The following HMGCLL1 variants were observed in gnomAD, a reference collection of about 807,000 sequenced individuals.
HMGCLL1 encodes the protein 3-hydroxy-3-methylglutaryl-CoA lyase like 1.
HMGCLL1 carries 36 observed loss-of-function variants against 39.1 expected under a neutral mutation model. The ratio of observed to expected loss-of-function variants is 0.92; its 90% CI spans 0.71 to 1.22. HMGCLL1 has a LOEUF of 1.22. HMGCLL1 is among the 50% of genes most tolerant of loss of function. The pLI, the probability that HMGCLL1 is intolerant of heterozygous loss-of-function variation, is 0.00. For synonymous variants in HMGCLL1, 149 were observed against 144.0 expected, an observed-to-expected ratio of 1.03 and a Z score of -0.25; for missense variants, 451 against 416.5, an observed-to-expected ratio of 1.08 and a Z score of -0.72.
At chr6:55,548,652 A>C (rs1561955076) in intron 1 of HMGCLL1, among the ~76,000 whole-genome samples, 1 of 151,994 alleles carries the variant, frequency 6.6e-6, no homozygotes, top group South Asian at 2.1e-4. Context: ...TCAGCAATAA[A>C]TGCAGCCAGG....
At chr6:55,616,054 T>C in the HMGCLL1 span, among the ~76,000 whole-genome samples, 2 of 152,098 alleles carry the variant, frequency 1.3e-5, no homozygotes, top group Non-Finnish European at 2.9e-5. Flanking sequence ...AAATACCCAG[T>C]AAAGCAACAG....
the HMGCLL1 span, among the ~76,000 whole-genome samples, chr6:55,584,363 A>G: frequency 9.3e-4 from 141 of 152,126 alleles, no homozygotes; most frequent in Non-Finnish European, 9.1e-4. Flanking sequence ...GGATCTCATG[A>G]TATGGTTCTG....
chr6:55,593,188 T>C, the HMGCLL1 span, among the ~76,000 whole-genome samples: 142 of 152,266 alleles, frequency 9.3e-4, no homozygotes, highest in African/African-American at 2.3e-3. Flanking sequence ...GTCAGATTCC[T>C]GGGATCACAT....
intron 5 of HMGCLL1, among the ~76,000 whole-genome samples, chr6:55,508,429 A>C (rs1292322542): frequency 6.6e-6 from 1 of 151,844 alleles, no homozygotes; most frequent in Non-Finnish European, 1.5e-5. Context: ...AAGTTAAATA[A>C]GATTAGAAAT....
intron 6 of HMGCLL1, among the ~76,000 whole-genome samples, chr6:55,497,836 T>C (rs1156918095): frequency 6.6e-6 from 1 of 151,920 alleles, no homozygotes; most frequent in Non-Finnish European, 1.5e-5. Context: ...ACATACAAAA[T>C]GCAAAGAACA....
intron 7 of HMGCLL1, among the ~76,000 whole-genome samples, chr6:55,475,404 A>T (rs1208312462): frequency 2.0e-5 from 3 of 151,586 alleles, no homozygotes; most frequent in African/African-American, 7.3e-5. Flanking sequence ...CTCAGACTCC[A>T]GCAATTTGTC....
chr6:55,630,172 G>C, the HMGCLL1 span, among the ~76,000 whole-genome samples: 319 of 152,286 alleles, frequency 2.1e-3, 1 homozygote, highest in African/African-American at 7.2e-3. Context: ...CACAGGGGTG[G>C]AGCTGCCTAA....
the HMGCLL1 span, among the ~76,000 whole-genome samples, chr6:55,630,415 T>C: frequency 6.6e-6 from 1 of 152,052 alleles, no homozygotes; most frequent in Non-Finnish European, 1.5e-5. Context: ...CTTTACAGGC[T>C]CATAGGCAGA....
At chr6:55,601,658 A>C in the HMGCLL1 span, among the ~76,000 whole-genome samples, 2 of 151,998 alleles carry the variant, frequency 1.3e-5, no homozygotes, top group Non-Finnish European at 2.9e-5. Context: ...AGCCCTAAAA[A>C]CTTTTTTTTC....
At chr6:55,628,728 G>C in the HMGCLL1 span, among the ~76,000 whole-genome samples, 31 of 152,184 alleles carry the variant, frequency 2.0e-4, no homozygotes, top group Admixed American at 9.2e-4. Flanking sequence ...GGAGGTAATT[G>C]AATCACAGGG....
At chr6:55,650,102 T>TAC in the HMGCLL1 span, among the ~76,000 whole-genome samples, 3 of 43,138 alleles carry the variant, frequency 7.0e-5, no homozygotes, top group African/African-American at 4.7e-4. Flanking sequence ...TATATATATA[T>TAC]ATATATATAT....
At chr6:55,473,405 T>C (rs571338486) in intron 7 of HMGCLL1, among the ~76,000 whole-genome samples, 1 of 151,564 alleles carries the variant, frequency 6.6e-6, no homozygotes, top group African/African-American at 2.4e-5. Context: ...TTATATTTCT[T>C]AAAATTTTTA....
chr6:55,616,343 A>G, the HMGCLL1 span, among the ~76,000 whole-genome samples: 2 of 152,074 alleles, frequency 1.3e-5, no homozygotes, highest in African/African-American at 4.8e-5. Flanking sequence ...CCTGCTGGAC[A>G]AGGAGAGGAG....
At chr6:55,499,564 A>T (rs1469285939) in intron 5 of HMGCLL1, among the ~76,000 whole-genome samples, 1 of 152,090 alleles carries the variant, frequency 6.6e-6, no homozygotes, top group Non-Finnish European at 1.5e-5. Flanking sequence ...TGGTAAAGTT[A>T]TTCATACCAT....
chr6:55,545,699 A>G (rs557021563), intron 1 of HMGCLL1, among the ~76,000 whole-genome samples: 1 of 152,230 alleles, frequency 6.6e-6, no homozygotes, highest in South Asian at 2.1e-4. Context: ...GTGGGGAGAT[A>G]ATGAGCTTAT....
the HMGCLL1 span, among the ~76,000 whole-genome samples, chr6:55,599,335 T>G: frequency 6.6e-6 from 1 of 152,186 alleles, no homozygotes; most frequent in Non-Finnish European, 1.5e-5. Context: ...AATTCAATGT[T>G]GAAAATAATG....
the HMGCLL1 span, among the ~76,000 whole-genome samples, chr6:55,650,090 C>CATATATATATATATATATATATATAT: frequency 3.8e-5 from 2 of 52,298 alleles, no homozygotes; most frequent in South Asian, 1.2e-3. Flanking sequence ...CACACATATA[C>CATATATATATATATATATATATATAT]ATATATATAT....
chr6:55,588,196 C>T, the HMGCLL1 span, among the ~76,000 whole-genome samples: 2 of 152,068 alleles, frequency 1.3e-5, no homozygotes, highest in African/African-American at 4.8e-5. Context: ...GAAATTATAA[C>T]AAACTGTCTC....
intron 7 of HMGCLL1, among the ~76,000 whole-genome samples, chr6:55,462,417 C>A (rs979461091): frequency 6.6e-6 from 1 of 152,116 alleles, no homozygotes; most frequent in Non-Finnish European, 1.5e-5. Context: ...GTCTCCCCTG[C>A]CCCCATGACC....
Sources: gnomAD v4.1 joint callset for allele counts (sites outside exome capture counted in the v4.1 genomes callset) on GRCh38, gnomAD v4.1.1 for gene constraint, MANE v1.5 for transcripts, NCBI Gene and HGNC (gene_info 2026-07-23, HGNC 2026-07-21) for gene names.